ROBO2: variants seen among roughly 807,000 people sequenced by gnomAD.
The protein encoded by ROBO2 is roundabout homolog 2.
ROBO2 carries 53 observed loss-of-function variants against 160.8 expected under a neutral mutation model. The ratio of observed to expected loss-of-function variants is 0.33; its 90% CI spans 0.26 to 0.41. The LOEUF (loss-of-function observed/expected upper bound fraction) is 0.41, where lower values mean the gene tolerates loss of function less well. ROBO2 is among the 10% of genes least tolerant of loss of function. The probability of loss-of-function intolerance (pLI) is 1.00; values close to 1 mark genes in which losing one functional copy is unlikely to be tolerated. For synonymous variants in ROBO2, 664 were observed against 611.7 expected (o/e 1.09, Z -1.26); for missense variants, 1,577 against 1,722.4 (o/e 0.92, Z 1.49).
intron 2 of ROBO2, among the ~76,000 whole-genome samples, chr3:77,296,402 T>A (rs143475054): frequency 6.6e-6 from 1 of 152,034 alleles, no homozygotes; most frequent in African/African-American, 2.4e-5. Context: ...ACCAAAGACA[T>A]AAAGTAAAAT....
rs561638208 is a variant in ROBO2 at position 76,541,572 on chromosome 3, T to C, written c.110-556442T>C. ...ATGTAAAGACAAGTGAGAATTGGCA[T>C]AGGAGAGCCCACAGCCTTCAGATGG... On this transcript the variant is annotated intron_variant, in intron 2 of 26. Transcript: ENST00000487694. Among the ~76,000 whole-genome samples the C allele has an allele frequency of 5.9e-5, 9 of 152,322 alleles. No individual in the cohort carries two copies. In the South Asian group the frequency reaches 1.2e-3, roughly 21 times the overall value.
intron 7 of ROBO2, among the ~76,000 whole-genome samples, chr3:77,548,085 TAGAC>T (rs1023151749): frequency 1.3e-4 from 19 of 147,902 alleles, no homozygotes; most frequent in African/African-American, 4.7e-4. Context: ...CACATACACA[TAGAC>T]ATACATGCAC....
At chr3:77,134,160 G>T (rs1222291944) in intron 2 of ROBO2, among the ~76,000 whole-genome samples, 1 of 151,730 alleles carries the variant, frequency 6.6e-6, no homozygotes, top group African/African-American at 2.4e-5. Context: ...TGGGCAACTA[G>T]AGTGAAACTT....
chr3:76,566,908 CAG>C (rs1467410229), intron 2 of ROBO2, among the ~76,000 whole-genome samples: 1 of 152,166 alleles, frequency 6.6e-6, no homozygotes, highest in Non-Finnish European at 1.5e-5. Context: ...CTGTGGCACA[CAG>C]AGATTCCTCC....
chr3:76,093,179 T>C (rs6770732), intron 2 of ROBO2, among the ~76,000 whole-genome samples: 101,682 of 151,902 alleles, frequency 0.67, 35,244 homozygotes, highest in African/African-American at 0.86. Context: ...GAATGATACA[T>C]ATTTTACCCA....
At chr3:76,421,894 A>G (rs1036919519) in intron 2 of ROBO2, among the ~76,000 whole-genome samples, 3 of 152,184 alleles carry the variant, frequency 2.0e-5, no homozygotes, top group Non-Finnish European at 2.9e-5. Context: ...GTATAAAACT[A>G]CTGTGATCCT....
At chr3:76,572,631 A>G (rs991336375) in intron 2 of ROBO2, among the ~76,000 whole-genome samples, 5 of 152,186 alleles carry the variant, frequency 3.3e-5, no homozygotes, top group Non-Finnish European at 5.9e-5. Flanking sequence ...TGAATACGTC[A>G]AAAAGTATGT....
At chr3:77,588,653 G>C in intron 16 of ROBO2, 98 bp from the exon 18 acceptor site, 1 of 1,122,890 alleles carries the variant, frequency 8.9e-7, no homozygotes, top group African/African-American at 1.5e-5. Flanking sequence ...AGCATTTCCT[G>C]CCTTCAAATA....
At chr3:77,422,240 A>T (rs140969438) in intron 2 of ROBO2, among the ~76,000 whole-genome samples, 1 of 152,150 alleles carries the variant, frequency 6.6e-6, no homozygotes. Flanking sequence ...AAGACAGGGG[A>T]TTAGCGGTTC....
intron 1 of ROBO2, among the ~76,000 whole-genome samples, chr3:75,913,203 C>T (rs1240079475): frequency 6.6e-6 from 1 of 152,144 alleles, no homozygotes; most frequent in African/African-American, 2.4e-5. Flanking sequence ...ATTGTCTCCT[C>T]CTTTAACTTT....
At chr3:76,199,620 C>G (rs1163971877) in intron 2 of ROBO2, among the ~76,000 whole-genome samples, 1 of 152,106 alleles carries the variant, frequency 6.6e-6, no homozygotes, top group Non-Finnish European at 1.5e-5. Flanking sequence ...ACCTGACCCA[C>G]AAACTCTGCA....
chr3:77,559,263 A>G (rs2093239709), intron 9 of ROBO2, among the ~76,000 whole-genome samples: 1 of 152,112 alleles, frequency 6.6e-6, no homozygotes, highest in South Asian at 2.1e-4. Flanking sequence ...GGTCCCACTT[A>G]CACTCCAGGT....
intron 2 of ROBO2, among the ~76,000 whole-genome samples, chr3:76,084,132 C>T (rs2068929106): frequency 6.6e-6 from 1 of 152,116 alleles, no homozygotes; most frequent in African/African-American, 2.4e-5. Context: ...TGAGAAACAG[C>T]TGCTGCCATG....
At chr3:76,212,468 T>G (rs909852032) in intron 2 of ROBO2, among the ~76,000 whole-genome samples, 2 of 152,216 alleles carry the variant, frequency 1.3e-5, no homozygotes. Context: ...TATTTAAACT[T>G]AAGTTCCAGT....
In ROBO2 at chr3:76,061,143, T is replaced by C. The variant is rs1380957240; in HGVS notation, c.109+123541T>C. 2.0e-5 allele frequency among the ~76,000 whole-genome samples: 3 copies of C among 152,216 alleles called. 1 individual carries two copies. The highest frequency in any genetic ancestry group is 2.0e-4 in the Admixed American group (3 of 15,284). On this transcript the variant is annotated intron_variant, in intron 2 of 26. Coordinates refer to the ROBO2 transcript ENST00000487694. ...GTCAAGGTGACTTCACATGTGCAAATTCTCAGCAACAAGTTAGTTTCATGT... is the reference window on the plus strand; with the variant it reads ...GTCAAGGTGACTTCACATGTGCAAACTCTCAGCAACAAGTTAGTTTCATGT...
intron 24 of ROBO2, among the ~76,000 whole-genome samples, chr3:77,636,419 C>T (rs1021944840): frequency 5.3e-5 from 8 of 151,706 alleles, no homozygotes; most frequent in Non-Finnish European, 1.0e-4. Flanking sequence ...TGGTGAAACC[C>T]CCTCTCTACT....
chr3:77,382,364 A>AAAAAG (rs2073610234), intron 2 of ROBO2, among the ~76,000 whole-genome samples: 1 of 146,322 alleles, frequency 6.8e-6, no homozygotes, highest in Non-Finnish European at 1.5e-5. Context: ...TTTTTTTTTA[A>AAAAAG]AAAGTCTTTT....
intron 2 of ROBO2, among the ~76,000 whole-genome samples, chr3:75,940,171 T>C (rs1471652221): frequency 6.6e-6 from 1 of 152,134 alleles, no homozygotes; most frequent in African/African-American, 2.4e-5. Context: ...TGTTCCTTCC[T>C]AGAGAAACCG....
chr3:77,353,537 G>T (rs1181693934), intron 2 of ROBO2, among the ~76,000 whole-genome samples: 3 of 151,882 alleles, frequency 2.0e-5, no homozygotes, highest in East Asian at 1.9e-4. Context: ...TTGAGATGGA[G>T]TCTCTCTCTG....
Sources: gnomAD v4.1 joint callset for allele counts (sites outside exome capture counted in the v4.1 genomes callset) on GRCh38, gnomAD v4.1.1 for gene constraint, MANE v1.5 for transcripts, NCBI Gene and HGNC (gene_info 2026-07-23, HGNC 2026-07-21) for gene names.